Variants in PHF23 observed in about 807,000 individuals in gnomAD.
PHF23 encodes PHD finger protein 23.
Under a neutral mutation model 36.0 loss-of-function variants are expected in PHF23, and 3 were observed. The ratio of observed to expected loss-of-function variants is 0.08; its 90% CI spans 0.04 to 0.22. The LOEUF is 0.22. Among genes scored for constraint, PHF23 ranks in the 10% least tolerant of loss-of-function variants. The pLI, the probability that PHF23 is intolerant of heterozygous loss-of-function variation, is 1.00. For synonymous variants in PHF23, 242 were observed against 192.5 expected, an observed-to-expected ratio of 1.26 and a Z score of -2.13; for missense variants, 475 against 513.6, an observed-to-expected ratio of 0.92 and a Z score of 0.73.
Position 7,239,321 on chromosome 17 carries a change from A to G in PHF23, c.-42T>C. On this transcript the variant is annotated 5_prime_UTR_variant, in exon 1 of 5. Coordinates refer to ENST00000320316, the MANE Select transcript of PHF23 (RefSeq NM_024297.3). ...CCCGGTCCGGCGCCCCCCTCCCCGG[A>G]GCCGGGGATCCCGGTGCCGCCTCTA... 9.8e-7 allele frequency: 1 copy of G among 1,018,208 alleles called. No individual in the cohort carries two copies. The allele number at this position is 1,018,208 out of a possible 1,614,324, so 63.1% of individuals were successfully genotyped here.
At chr17:7,239,141 C>A in intron 1 of PHF23, 105 bp downstream of exon 1, 3 of 1,016,960 alleles carry the variant, frequency 2.9e-6, no homozygotes, top group Non-Finnish European at 4.4e-6. Flanking sequence ...CCGACCCCCT[C>A]CCCGAACTCC....
chr17:7,238,036 G>C (rs1047981124), intron 1 of PHF23: 4 of 225,388 alleles, frequency 1.8e-5, no homozygotes, highest in African/African-American at 7.3e-5. Context: ...CACGCGCCCG[G>C]AGCCCCGAGT....
chr17:7,238,654 C>T (rs2071731761), intron 1 of PHF23: 1 of 775,334 alleles, frequency 1.3e-6, no homozygotes, highest in Non-Finnish European at 1.5e-6. Flanking sequence ...CCCACCCCGC[C>T]CCACCACCCC....
chr17:7,239,686 G>A (rs1597568835), upstream of PHF23: 1 of 154,256 alleles, frequency 6.5e-6, no homozygotes, highest in Admixed American at 6.5e-5. Flanking sequence ...GGCGCACCAA[G>A]CCGCTCCCCT....
In PHF23 at chr17:7,237,612, G is replaced by A. The variant is rs762050360; in HGVS notation, c.66+17C>T. ...TCAGGCAGGGCTACTAGGCTGCAAA[G>A]GTAAGGCAAACCTCACCTGAGTCTC... On this transcript the variant is annotated intron_variant, in intron 2 of 4. Coordinates refer to ENST00000320316, the MANE Select transcript of PHF23 (RefSeq NM_024297.3). 1.2e-5 allele frequency: 20 copies of A among 1,613,890 alleles called. No homozygotes were observed. Among genetic ancestry groups the A allele is most frequent in the Non-Finnish European group, 1.6e-5 (19 of 1,179,950 alleles).
chr17:7,238,494 CT>C, intron 1 of PHF23: 1 of 900,282 alleles, frequency 1.1e-6, no homozygotes, highest in Non-Finnish European at 1.3e-6. Flanking sequence ...ACTCTGGCCC[CT>C]TCCCCCCAAC....
At position 7,236,996 on chromosome 17, in the gene PHF23, G is replaced by A. The variant is rs150120805; in HGVS notation, c.160-229C>T. On this transcript the variant is annotated intron_variant, in intron 3 of 4. Transcript: ENST00000320316. The surrounding 1 kb of genome is among the most constrained non-coding windows in gnomAD (Gnocchi z 5.1). Reference sequence around the variant, plus strand: ...AGTCTGACACCTCACCGCTGCCCCTGCCCAGGGCCTGTGGAACACTGTATC... The same window carrying A: ...AGTCTGACACCTCACCGCTGCCCCTACCCAGGGCCTGTGGAACACTGTATC... Among the ~76,000 whole-genome samples the A allele has an allele frequency of 5.2e-3, 795 of 152,168 alleles. 4 individuals are homozygous for A. Among genetic ancestry groups the A allele is most frequent in the African/African-American group, 0.018 (763 of 41,502 alleles).
chr17:7,238,835 G>A (rs974120792), intron 1 of PHF23: 18 of 1,532,896 alleles, frequency 1.2e-5, no homozygotes, highest in Non-Finnish European at 1.5e-5. Context: ...TCGGAGCTCC[G>A]GTACCACCGC....
intron 3 of PHF23, 49 bp downstream of exon 3, chr17:7,237,336 C>T: frequency 3.4e-6 from 5 of 1,467,622 alleles, no homozygotes; most frequent in Non-Finnish European, 4.8e-6. Flanking sequence ...AACAGTCACT[C>T]TATAGTCCCA....
intron 1 of PHF23, 43 bp from the exon 2 acceptor site, chr17:7,237,703 CTG>C (rs748149354): frequency 1.9e-6 from 3 of 1,606,104 alleles, no homozygotes; most frequent in South Asian, 1.1e-5. Context: ...TAGGAACAAT[CTG>C]TGTAAAACTC....
Position 7,239,301 on chromosome 17 carries a change from T to G in PHF23, c.-22A>C. 3 of 1,299,810 alleles carry G rather than the reference T, an allele frequency of 2.3e-6. No homozygotes were observed. The highest frequency in any genetic ancestry group is 3.3e-6 in the Non-Finnish European group (3 of 918,746). 80.5% of individuals were successfully genotyped at this position (1,299,810 alleles called of 1,614,324 possible). The stretch of plus-strand genomic sequence containing the variant: ...GCATCGCCCCCTCCCCTCCTCCCGG[T>G]CCGGCGCCCCCCTCCCCGGAGCCGG... On this transcript the variant is annotated 5_prime_UTR_variant, in exon 1 of 5. Coordinates refer to ENST00000320316, the MANE Select transcript of PHF23 (RefSeq NM_024297.3).
At position 7,239,248 on chromosome 17, in the gene PHF23, T is replaced by G; in HGVS notation, c.32A>C (p.Glu11Ala). 1.3e-6 allele frequency: 2 copies of G among 1,548,580 alleles called. No individual in the cohort carries two copies. The highest frequency in any genetic ancestry group is 1.8e-6 in the Non-Finnish European group (2 of 1,131,986). Residue 11 changes from glutamate (E) to alanine (A), a missense_variant and splice_region_variant, in exon 1 of 5, where the codon GAA becomes GCA. Transcript: ENST00000320316. MLEAMAEPSP[E>A]DPPPTLKPET... Reference sequence around the variant, plus strand: ...CTCTGCACCGGTCGAGAGCTCACCTTCGGGACTGGGCTCCGCCATGGCTTC... The same window carrying G: ...CTCTGCACCGGTCGAGAGCTCACCTGCGGGACTGGGCTCCGCCATGGCTTC...
chr17:7,240,228 T>C (rs1435042433), upstream of PHF23: 1 of 152,300 alleles, frequency 6.6e-6, no homozygotes, highest in African/African-American at 2.4e-5. Context: ...CAGTATTCCA[T>C]TCCATCACAA....
chr17:7,236,126 C>T lies in PHF23; in HGVS notation c.801G>A (p.Gly267=). The T allele has an allele frequency of 1.9e-6, 3 of 1,611,266 alleles. No individual in the cohort carries two copies. Among genetic ancestry groups the T allele is most frequent in the Non-Finnish European group, 2.5e-6 (3 of 1,178,594 alleles). ...EEEEEMATVV[G]GEAPVPVLPT... ...GCAGCACAGGGACTGGGGCTTCACC[C>T]CCTACCACTGTTGCCATCTCTTCTT... The change falls in exon 4 of 5, where the codon GGG becomes GGA. Residue 267 remains glycine, a synonymous_variant. Transcript: ENST00000320316. The surrounding 1 kb of genome is among the most constrained non-coding windows in gnomAD (Gnocchi z 5.1).
In PHF23 at chr17:7,239,389, C is replaced by G; in HGVS notation, c.-110G>C. ...TGCTTCGCTCCACAGAAGTGTCCGC[C>G]TCAGCCCGGTTGAGACTCGAGTCCG... On this transcript the variant is annotated 5_prime_UTR_variant, in exon 1 of 5. Coordinates refer to ENST00000320316, the MANE Select transcript of PHF23 (RefSeq NM_024297.3). 5 of 587,322 alleles carry G rather than the reference C, an allele frequency of 8.5e-6. No individual in the cohort carries two copies. In the South Asian group the frequency reaches 9.6e-5, roughly 11 times the overall value. 36.4% of individuals were successfully genotyped at this position (587,322 alleles called of 1,614,324 possible).
chr17:7,240,742 G>A (rs1014523521), upstream of PHF23: 47 of 731,034 alleles, frequency 6.4e-5, no homozygotes, highest in South Asian at 4.4e-4. Flanking sequence ...AAGAAGTGCC[G>A]GTCCTGAATA....
intron 1 of PHF23, chr17:7,238,399 C>T (rs1416635920): frequency 2.4e-5 from 9 of 379,204 alleles, no homozygotes; most frequent in Non-Finnish European, 3.1e-5. Context: ...CCGGGCCCCC[C>T]GGCCCTGTTC....
At position 7,235,745 on chromosome 17, in the gene PHF23, G is replaced by A; in HGVS notation, c.1093C>T (p.Leu365Phe). The A allele has an allele frequency of 6.2e-7, 1 of 1,614,110 alleles. No individual in the cohort carries two copies. Among genetic ancestry groups the A allele is most frequent in the Non-Finnish European group, 8.5e-7 (1 of 1,180,028 alleles). ...ECSLCGTWIH[L>F]SCAKIKKTNV... ...GTCTTCTTAATCTTAGCACAGGAGA[G>A]GTGGATCCACGTCCCACACAGGCTG... The change falls in exon 5 of 5, where the codon CTC becomes TTC. Residue 365 changes from leucine to phenylalanine, a missense_variant. This residue lies in a region of PHF23 where 40 missense variants were observed against 111.0 expected (regional missense o/e 0.36). Coordinates refer to ENST00000320316, the MANE Select transcript of PHF23 (RefSeq NM_024297.3).
chr17:7,236,130 A>G lies in PHF23; in HGVS notation c.797T>C (p.Val266Ala). ...CACAGGGACTGGGGCTTCACCCCCT[A>G]CCACTGTTGCCATCTCTTCTTCTTC... ...EEEEEEMATV[V>A]GGEAPVPVLP... The change falls in exon 4 of 5, where the codon GTA becomes GCA. Residue 266 changes from valine to alanine, a missense_variant. Val to Ala is a moderately conservative substitution (Grantham distance 64). This residue lies in a region of PHF23 where 350 missense variants were observed against 319.8 expected (regional missense o/e 1.09). Transcript: ENST00000320316. The surrounding 1 kb of genome is among the most constrained non-coding windows in gnomAD (Gnocchi z 5.1). 1.2e-6 allele frequency: 2 copies of G among 1,610,846 alleles called. No homozygotes were observed. Among genetic ancestry groups the G allele is most frequent in the East Asian group, 2.2e-5 (1 of 44,840 alleles).
Sources: gnomAD v4.1 joint callset for allele counts (sites outside exome capture counted in the v4.1 genomes callset) on GRCh38, gnomAD v4.1.1 for gene constraint, gnomAD v4.1.1 regional missense constraint, Gnocchi (gnomAD v3.1) non-coding constraint, MANE v1.5 for transcripts, NCBI Gene and HGNC (gene_info 2026-07-23, HGNC 2026-07-21) for gene names.